Variants in RFC3 observed in about 807,000 individuals in gnomAD.
RFC3 encodes the protein A1 38 kDa subunit.
RFC3 carries 41 observed loss-of-function variants against 45.1 expected under a neutral mutation model. That is an observed-to-expected ratio of 0.91 (90% CI 0.71 to 1.18). The LOEUF (loss-of-function observed/expected upper bound fraction) is 1.18. Among genes scored for constraint, RFC3 ranks in the 50% most tolerant of loss-of-function variants. The pLI, the probability that RFC3 is intolerant of heterozygous loss-of-function variation, is 0.00. For missense variants in RFC3, 423 were observed against 428.1 expected (o/e 0.99, Z 0.10); for synonymous variants, 149 against 144.0 (o/e 1.03, Z -0.25).
chr13:33,850,561 A>G (rs1373985283), intron 8 of RFC3: 7 of 152,130 alleles, frequency 4.6e-5, no homozygotes, highest in Admixed American at 2.6e-4. Flanking sequence ...ATTAATATTT[A>G]CTGTATGAAA....
intron 8 of RFC3, among the ~76,000 whole-genome samples, chr13:33,853,757 A>C (rs2082291987): frequency 6.6e-6 from 1 of 152,158 alleles, no homozygotes. Flanking sequence ...ATGGAACCCA[A>C]GAGAGAGAAG....
chr13:33,837,046 A>G lies in RFC3; in HGVS notation c.*751A>G. 2.0e-6 allele frequency: 2 copies of G among 984,658 alleles called. No homozygotes were observed. Among genetic ancestry groups the G allele is most frequent in the Non-Finnish European group, 2.4e-6 (2 of 829,256 alleles). The allele number at this position is 984,658 out of a possible 1,614,324, so 61.0% of individuals were successfully genotyped here. On this transcript the variant is annotated 3_prime_UTR_variant, in exon 9 of 9. Coordinates refer to ENST00000380071, the MANE Select transcript of RFC3 (RefSeq NM_002915.4). ...TTTTGGTTCATGGACCAAAGGGTTT[A>G]CTTGACAAATTTGTGTGACAGACTC...
At chr13:33,846,675 G>A (rs544674038) in intron 8 of RFC3, 1 of 152,348 alleles carries the variant, frequency 6.6e-6, no homozygotes, top group Admixed American at 6.5e-5. Context: ...CAGCACCAGA[G>A]CTTGCCCAGG....
chr13:33,945,534 A>G (rs771362804), intron 8 of RFC3, among the ~76,000 whole-genome samples: 7 of 152,220 alleles, frequency 4.6e-5, no homozygotes, highest in Admixed American at 6.5e-5. Flanking sequence ...CTGTCTGGGT[A>G]ACGAGGCTCT....
intron 8 of RFC3, among the ~76,000 whole-genome samples, chr13:33,925,364 A>G (rs1410367236): frequency 1.6e-5 from 2 of 127,950 alleles, no homozygotes; most frequent in Non-Finnish European, 3.1e-5. Context: ...ATAGTGTACT[A>G]TATACATACA....
At chr13:33,938,184 C>CAAAAAAAAAAAAAAAAAAAAAAAA (rs34685731) in intron 8 of RFC3, among the ~76,000 whole-genome samples, 3 of 70,766 alleles carry the variant, frequency 4.2e-5, no homozygotes, top group Admixed American at 1.8e-4. Flanking sequence ...AGTCCAACTG[C>CAAAAAAAAAAAAAAAAAAAAAAAA]AAAAAAAAAA....
intron 4 of RFC3, among the ~76,000 whole-genome samples, chr13:33,827,292 A>G (rs1005901904): frequency 2.6e-5 from 4 of 152,172 alleles, no homozygotes; most frequent in African/African-American, 9.7e-5. Context: ...ATATCTCCAA[A>G]AAAAGGCAAA....
downstream of RFC3, among the ~76,000 whole-genome samples, chr13:33,968,604 GT>G (rs144916560): frequency 0.014 from 2,091 of 152,272 alleles, 35 homozygotes; most frequent in African/African-American, 0.044. Flanking sequence ...CATGCATGAA[GT>G]ACTTAATAAT....
chr13:33,866,217 G>A (rs538405823), intron 8 of RFC3, among the ~76,000 whole-genome samples: 13 of 152,232 alleles, frequency 8.5e-5, no homozygotes, highest in African/African-American at 3.1e-4. Flanking sequence ...ATATATTGTT[G>A]AGGTGAGCAC....
At position 33,900,076 on chromosome 13, in the gene RFC3, T is replaced by A. The variant is rs550121859; in HGVS notation, c.879+64859T>A. On this transcript the variant is annotated intron_variant, in intron 8 of 8. Coordinates refer to the RFC3 transcript ENST00000434425. ...ATTCCATGTTCATGGGTTGAAAGAA[T>A]TAATCTTGTTAAAATGACAATACTA... Among the ~76,000 whole-genome samples, 3 of 152,084 alleles carry A rather than the reference T, an allele frequency of 2.0e-5. No individual in the cohort carries two copies. In the South Asian group the frequency reaches 6.2e-4, roughly 31 times the overall value.
chr13:33,964,347 C>T (rs1459377970), intron 8 of RFC3, among the ~76,000 whole-genome samples: 2 of 152,204 alleles, frequency 1.3e-5, no homozygotes, highest in Non-Finnish European at 2.9e-5. Flanking sequence ...ATGTGATTCA[C>T]AACAGTGGTT....
Position 33,824,001 on chromosome 13 carries a change from T to C in RFC3, c.293+17T>C, listed in dbSNP as rs753988329. On this transcript the variant is annotated intron_variant, in intron 3 of 8. Coordinates refer to ENST00000380071, the MANE Select transcript of RFC3 (RefSeq NM_002915.4). ...TAATCCTAGGTAAGTTACTACTATATAGAAATTAAGTATTTTTAAAGAAAT... is the reference window on the plus strand; with the variant it reads ...TAATCCTAGGTAAGTTACTACTATACAGAAATTAAGTATTTTTAAAGAAAT... 1 of 1,285,014 alleles carries C rather than the reference T, an allele frequency of 7.8e-7. No individual in the cohort carries two copies. Among genetic ancestry groups the C allele is most frequent in the Non-Finnish European group, 1.1e-6 (1 of 916,012 alleles). 79.6% of individuals were successfully genotyped at this position (1,285,014 alleles called of 1,614,324 possible). A position where few individuals can be genotyped will look rare whatever the true frequency, so the allele number is the denominator to read the frequency against.
chr13:33,877,325 C>T (rs111597001), intron 8 of RFC3, among the ~76,000 whole-genome samples: 2 of 152,102 alleles, frequency 1.3e-5, no homozygotes. Context: ...GCAGGCATTC[C>T]ACAGACATTC....
intron 8 of RFC3, chr13:33,966,082 T>C (rs1278461285): frequency 6.2e-7 from 1 of 1,604,184 alleles, no homozygotes; most frequent in African/African-American, 1.3e-5. Context: ...GAATATCTCT[T>C]ACAGGCATGT....
intron 8 of RFC3, among the ~76,000 whole-genome samples, chr13:33,894,221 T>A (rs1234707946): frequency 2.0e-5 from 3 of 152,090 alleles, no homozygotes; most frequent in Non-Finnish European, 2.9e-5. Flanking sequence ...GATATAGACC[T>A]CCACTGGGTA....
intron 3 of RFC3, among the ~76,000 whole-genome samples, chr13:33,825,444 T>C (rs1158675062): frequency 7.2e-5 from 11 of 152,156 alleles, no homozygotes; most frequent in Non-Finnish European, 1.2e-4. Context: ...TCAACAATTA[T>C]AGATAGTTGA....
intron 8 of RFC3, among the ~76,000 whole-genome samples, chr13:33,957,644 C>A (rs550209140): frequency 6.6e-6 from 1 of 152,088 alleles, no homozygotes; most frequent in East Asian, 1.9e-4. Flanking sequence ...CTGTGAGGCC[C>A]GGAAGCTCTA....
At chr13:33,941,582 C>T (rs1392387970) in intron 8 of RFC3, among the ~76,000 whole-genome samples, 1 of 152,064 alleles carries the variant, frequency 6.6e-6, no homozygotes, top group Non-Finnish European at 1.5e-5. Context: ...CTTTTATTGT[C>T]TTTTAACTGC....
chr13:33,900,604 C>A (rs927205498), intron 8 of RFC3, among the ~76,000 whole-genome samples: 9 of 151,844 alleles, frequency 5.9e-5, no homozygotes, highest in Non-Finnish European at 1.2e-4. Context: ...TGGGGAAACA[C>A]TCTAAGACAT....
Sources: gnomAD v4.1 joint callset for allele counts (sites outside exome capture counted in the v4.1 genomes callset) on GRCh38, gnomAD v4.1.1 for gene constraint, MANE v1.5 for transcripts, NCBI Gene and HGNC (gene_info 2026-07-23, HGNC 2026-07-21) for gene names.